EPHA6: variants seen among roughly 807,000 people sequenced by gnomAD.
The protein encoded by EPHA6 is EPH receptor A6.
In EPHA6, 50 loss-of-function variants were observed where a neutral mutation model predicts 112.0. The observed-to-expected ratio is 0.45, with a 90% CI of 0.36 to 0.56. The LOEUF is 0.56. Among genes scored for constraint, EPHA6 ranks in the 20% least tolerant of loss-of-function variants. The pLI, the probability that EPHA6 is intolerant of heterozygous loss-of-function variation, is 0.00. For synonymous variants in EPHA6, 529 were observed against 490.7 expected, an observed-to-expected ratio of 1.08 and a Z score of -1.03; for missense variants, 1,280 against 1,417.4, an observed-to-expected ratio of 0.90 and a Z score of 1.56.
At chr3:97,229,597 T>A (rs1038074402) in intron 4 of EPHA6, among the ~76,000 whole-genome samples, 4 of 152,178 alleles carry the variant, frequency 2.6e-5, no homozygotes, top group African/African-American at 9.6e-5. Context: ...TTGCTTATTT[T>A]ATTTACTTCC....
intron 13 of EPHA6, among the ~76,000 whole-genome samples, chr3:97,621,615 A>C (rs1358125107): frequency 6.6e-6 from 1 of 151,760 alleles, no homozygotes; most frequent in Admixed American, 6.6e-5. Flanking sequence ...GTGCCATACC[A>C]ATCTGAAGGG....
At chr3:97,380,020 A>G (rs192908243) in intron 5 of EPHA6, among the ~76,000 whole-genome samples, 2 of 152,308 alleles carry the variant, frequency 1.3e-5, no homozygotes, top group African/African-American at 4.8e-5. Flanking sequence ...AACGTATTAA[A>G]GCAGTGAAAC....
At chr3:97,723,454 G>A (rs1028730887) in intron 15 of EPHA6, among the ~76,000 whole-genome samples, 1 of 152,142 alleles carries the variant, frequency 6.6e-6, no homozygotes, top group Admixed American at 6.5e-5. Context: ...TGGCCACAGA[G>A]GCTCTATCTG....
chr3:97,552,843 T>A (rs914333870), intron 11 of EPHA6, among the ~76,000 whole-genome samples: 3 of 152,178 alleles, frequency 2.0e-5, no homozygotes, highest in African/African-American at 7.2e-5. Flanking sequence ...AACTTATTAG[T>A]TTTTGAAAAT....
intron 3 of EPHA6, among the ~76,000 whole-genome samples, chr3:97,182,559 G>C (rs2077018916): frequency 6.6e-6 from 1 of 151,920 alleles, no homozygotes; most frequent in Admixed American, 6.6e-5. Context: ...AACACAATCA[G>C]TATTTTGTCT....
chr3:96,831,122 A>G (rs1038225042), intron 1 of EPHA6, among the ~76,000 whole-genome samples: 1 of 152,156 alleles, frequency 6.6e-6, no homozygotes, highest in Non-Finnish European at 1.5e-5. Context: ...GCTAATAGTT[A>G]TGATTTTAAG....
chr3:97,141,716 A>G (rs2075909480), intron 3 of EPHA6, among the ~76,000 whole-genome samples: 1 of 151,994 alleles, frequency 6.6e-6, no homozygotes, highest in Non-Finnish European at 1.5e-5. Flanking sequence ...AAATGCCTAC[A>G]TCAAAAAAAA....
chr3:96,969,729 A>G (rs1233708127), intron 2 of EPHA6, among the ~76,000 whole-genome samples: 1 of 151,948 alleles, frequency 6.6e-6, no homozygotes, highest in Admixed American at 6.6e-5. Context: ...TCCACCAAAT[A>G]TTTTCTTGTC....
intron 3 of EPHA6, among the ~76,000 whole-genome samples, chr3:97,049,930 C>A (rs1330758860): frequency 1.3e-5 from 2 of 152,168 alleles, no homozygotes; most frequent in African/African-American, 4.8e-5. Context: ...CAAATTTCAA[C>A]ATGAGGTTTG....
At chr3:97,511,055 A>AGC (rs1309300071) in intron 10 of EPHA6, among the ~76,000 whole-genome samples, 2 of 152,134 alleles carry the variant, frequency 1.3e-5, no homozygotes, top group Non-Finnish European at 1.5e-5. Flanking sequence ...AAGCTGGAGC[A>AGC]TCAGACTGCT....
At chr3:96,975,303 C>A (rs541656646) in intron 2 of EPHA6, among the ~76,000 whole-genome samples, 7 of 152,204 alleles carry the variant, frequency 4.6e-5, no homozygotes, top group African/African-American at 1.7e-4. Context: ...TTTGCTATAT[C>A]TAATAATTGG....
chr3:97,546,208 G>T (rs1418208250), intron 11 of EPHA6, among the ~76,000 whole-genome samples: 5 of 152,208 alleles, frequency 3.3e-5, no homozygotes, highest in Non-Finnish European at 7.3e-5. Flanking sequence ...GGTACTGGTT[G>T]TTCCTTTCCA....
Position 96,882,728 on chromosome 3 carries a change from GTC to G in EPHA6, c.450+15841_450+15842del, listed in dbSNP as rs1559798144. 8.7e-4 allele frequency among the ~76,000 whole-genome samples: 124 copies of G among 142,742 alleles called. 1 individual carries two copies. The highest frequency in any genetic ancestry group is 3.3e-3 in the African/African-American group (119 of 36,332). The allele number at this position is 142,742 out of a possible 152,430, so 93.6% of individuals were successfully genotyped here. On this transcript the variant is annotated intron_variant, in intron 2 of 17. Coordinates refer to ENST00000389672, the MANE Select transcript of EPHA6 (RefSeq NM_001080448.3). ...AAGGATTCGTAGTATTCCATTGTGT[GTC>G]TGTGTGTGTGTGTGTGTGTGTGTGT...
rs1331463979 is a variant in EPHA6 at position 97,750,517 on chromosome 3, C to T, written c.*1816C>T. Among the ~76,000 whole-genome samples the T allele has an allele frequency of 1.3e-5, 2 of 151,920 alleles. No individual in the cohort carries two copies. The highest frequency in any genetic ancestry group is 6.6e-5 in the Admixed American group (1 of 15,256). The stretch of plus-strand genomic sequence containing the variant: ...GATTACAGGCGCCTGCCACCACTCC[C>T]GGCTAATTTTTGTATTTTTAGTAGA... On this transcript the variant is annotated 3_prime_UTR_variant, in exon 18 of 18. Coordinates refer to ENST00000389672, the MANE Select transcript of EPHA6 (RefSeq NM_001080448.3).
At chr3:97,134,545 T>C (rs1036880005) in intron 3 of EPHA6, among the ~76,000 whole-genome samples, 1 of 152,132 alleles carries the variant, frequency 6.6e-6, no homozygotes, top group Non-Finnish European at 1.5e-5. Flanking sequence ...AAGATCTTCA[T>C]GTTGGATTTG....
At chr3:97,402,372 T>C (rs1296625296) in intron 5 of EPHA6, among the ~76,000 whole-genome samples, 1 of 152,102 alleles carries the variant, frequency 6.6e-6, no homozygotes, top group Non-Finnish European at 1.5e-5. Flanking sequence ...ATCCTCTTGC[T>C]AACCTGATTC....
chr3:96,887,499 A>G (rs558532792), intron 2 of EPHA6, among the ~76,000 whole-genome samples: 2 of 152,232 alleles, frequency 1.3e-5, no homozygotes, highest in Non-Finnish European at 2.9e-5. Flanking sequence ...GCCAGGGAGC[A>G]GGGGTGCAAC....
intron 3 of EPHA6, among the ~76,000 whole-genome samples, chr3:97,145,216 C>T (rs1464632134): frequency 6.6e-6 from 1 of 151,142 alleles, no homozygotes; most frequent in African/African-American, 2.4e-5. Flanking sequence ...ACTATATTGA[C>T]AGATGTACAA....
chr3:97,597,308 G>C (rs923977748), intron 12 of EPHA6, among the ~76,000 whole-genome samples: 1 of 152,100 alleles, frequency 6.6e-6, no homozygotes, highest in Non-Finnish European at 1.5e-5. Context: ...TCTATGACTT[G>C]TGTTAGGTTC....
Sources: gnomAD v4.1 joint callset for allele counts (sites outside exome capture counted in the v4.1 genomes callset) on GRCh38, gnomAD v4.1.1 for gene constraint, MANE v1.5 for transcripts, NCBI Gene and HGNC (gene_info 2026-07-23, HGNC 2026-07-21) for gene names.